LIN9: variants seen among roughly 807,000 people sequenced by gnomAD.
The protein encoded by LIN9 is lin-9 DREAM MuvB core complex component.
LIN9 carries 18 observed loss-of-function variants against 78.0 expected under a neutral mutation model. That is an observed-to-expected ratio of 0.23 (90% confidence interval 0.16 to 0.34). The LOEUF is 0.34. Among genes scored for constraint, LIN9 ranks in the 10% least tolerant of loss-of-function variants. LIN9 has a pLI of 1.00. For missense variants in LIN9, 451 were observed against 644.1 expected, an observed-to-expected ratio of 0.70 and a Z score of 3.25; for synonymous variants, 192 against 215.2, an observed-to-expected ratio of 0.89 and a Z score of 0.94.
intron 11 of LIN9, among the ~76,000 whole-genome samples, chr1:226,246,350 T>C (rs1658475294): frequency 6.6e-6 from 1 of 152,196 alleles, no homozygotes; most frequent in Non-Finnish European, 1.5e-5. Flanking sequence ...TCCATTATCT[T>C]CTGTCTTCTA....
chr1:226,264,508 CTG>C (rs1335086179), intron 10 of LIN9, among the ~76,000 whole-genome samples: 1 of 152,098 alleles, frequency 6.6e-6, no homozygotes, highest in African/African-American at 2.4e-5. Context: ...CAAAAGAACA[CTG>C]TGAATATTTT....
intron 10 of LIN9, among the ~76,000 whole-genome samples, chr1:226,256,058 T>C (rs113326273): frequency 0.029 from 4,346 of 151,888 alleles, 192 homozygotes; most frequent in African/African-American, 0.098. Context: ...TTTACACATA[T>C]CATATTCAAA....
At chr1:226,301,083 CT>C in intron 2 of LIN9, 89 bp downstream of exon 2, 1 of 908,012 alleles carries the variant, frequency 1.1e-6, no homozygotes, top group Non-Finnish European at 1.6e-6. Context: ...TGAATCATAA[CT>C]TAGAAGGAAA....
At chr1:226,288,476 A>C (rs1343515635) in intron 4 of LIN9, among the ~76,000 whole-genome samples, 1 of 152,196 alleles carries the variant, frequency 6.6e-6, no homozygotes, top group African/African-American at 2.4e-5. Flanking sequence ...TAAAATTTAG[A>C]AAGAAGATAA....
At chr1:226,266,419 T>TA in intron 8 of LIN9, 87 bp from the exon 9 acceptor site, 3 of 1,002,384 alleles carry the variant, frequency 3.0e-6, no homozygotes, top group Non-Finnish European at 4.2e-6. Context: ...TTGAGATATA[T>TA]ATTCACGCAT....
upstream of LIN9, chr1:226,309,674 C>A (rs369209850): frequency 1.3e-4 from 163 of 1,283,196 alleles, 2 homozygotes; most frequent in South Asian, 1.6e-3. Context: ...CTCACTTTTC[C>A]CGAGACCGCC....
intron 11 of LIN9, among the ~76,000 whole-genome samples, chr1:226,240,237 A>G (rs1431969807): frequency 1.3e-5 from 2 of 152,228 alleles, no homozygotes; most frequent in Non-Finnish European, 2.9e-5. Context: ...CCATGCACTA[A>G]GAGTGGTTTT....
intron 7 of LIN9, 51 bp downstream of exon 7, chr1:226,277,724 C>T: frequency 1.3e-6 from 2 of 1,492,694 alleles, no homozygotes; most frequent in Admixed American, 4.0e-5. Flanking sequence ...AAAAAGATTA[C>T]CTTGATTAAA....
At chr1:226,309,444 G>T (rs1284373133), upstream of LIN9, 7 of 1,079,512 alleles carry the variant, frequency 6.5e-6, no homozygotes, top group Non-Finnish European at 8.0e-6. Flanking sequence ...AGCAGTACCA[G>T]CTCCGGAGTC....
At chr1:226,290,598 C>T (rs1185203196) in intron 4 of LIN9, among the ~76,000 whole-genome samples, 1 of 152,046 alleles carries the variant, frequency 6.6e-6, no homozygotes, top group Non-Finnish European at 1.5e-5. Context: ...CCTCGGCCTC[C>T]CAAAGTGCTG....
At chr1:226,262,188 G>A (rs1659633854) in intron 10 of LIN9, among the ~76,000 whole-genome samples, 1 of 151,968 alleles carries the variant, frequency 6.6e-6, no homozygotes, top group South Asian at 2.1e-4. Context: ...AAGTAACACA[G>A]GAAAAAAAAT....
chr1:226,258,468 CAAAA>C (rs200742420), intron 10 of LIN9, among the ~76,000 whole-genome samples: 1 of 73,804 alleles, frequency 1.4e-5, no homozygotes, highest in African/African-American at 4.6e-5. Flanking sequence ...GACTTTGTCT[CAAAA>C]AAAAAAAAAA....
intron 11 of LIN9, among the ~76,000 whole-genome samples, chr1:226,245,602 T>A (rs1010794752): frequency 6.6e-6 from 1 of 152,066 alleles, no homozygotes; most frequent in African/African-American, 2.4e-5. Context: ...CAAAAATTTT[T>A]TTTTTTTGAG....
At position 226,243,938 on chromosome 1, in the gene LIN9, A is replaced by T. The variant is rs112476838; in HGVS notation, c.1120-4842T>A. 4.0e-5 allele frequency among the ~76,000 whole-genome samples: 6 copies of T among 151,088 alleles called. 1 individual carries two copies. The highest frequency in any genetic ancestry group is 1.5e-4 in the African/African-American group (6 of 41,340). On this transcript the variant is annotated intron_variant, in intron 11 of 14. Transcript: ENST00000681046. ...CGCCCAGGCTGGAGTGCAGTGGCAC[A>T]ATCTCGGCTTACTGCAACCTCCACC...
intron 14 of LIN9, 53 bp downstream of exon 14, chr1:226,233,043 A>C: frequency 9.1e-7 from 1 of 1,099,808 alleles, no homozygotes; most frequent in Non-Finnish European, 1.3e-6. Flanking sequence ...ACCTGGACTG[A>C]AAATTACTAT....
intron 4 of LIN9, among the ~76,000 whole-genome samples, chr1:226,292,274 T>C (rs968135497): frequency 6.6e-6 from 1 of 151,946 alleles, no homozygotes; most frequent in African/African-American, 2.4e-5. Context: ...GATTCTCCTG[T>C]CTCAGCCTCC....
intron 6 of LIN9, among the ~76,000 whole-genome samples, chr1:226,283,751 C>A (rs954606057): frequency 6.6e-6 from 1 of 152,048 alleles, no homozygotes; most frequent in Non-Finnish European, 1.5e-5. Context: ...TGTTTGAGAC[C>A]AGTCTGACCA....
At chr1:226,255,644 G>A (rs1659138230) in intron 10 of LIN9, among the ~76,000 whole-genome samples, 1 of 152,178 alleles carries the variant, frequency 6.6e-6, no homozygotes, top group African/African-American at 2.4e-5. Context: ...TGAGTAATAA[G>A]CTAAGGCCTC....
intron 7 of LIN9, among the ~76,000 whole-genome samples, chr1:226,275,749 G>A (rs1209810760): frequency 4.0e-5 from 6 of 150,962 alleles, no homozygotes; most frequent in East Asian, 1.9e-4. Context: ...TGGGTGCAGC[G>A]GCTCACGCCT....
Sources: allele counts gnomAD v4.1 joint callset (sites outside exome capture counted in the v4.1 genomes callset), GRCh38; gene constraint gnomAD v4.1.1; transcripts MANE v1.5; gene names NCBI Gene and HGNC (gene_info 2026-07-23, HGNC 2026-07-21).